The following CNTN5 variants were observed in gnomAD, a reference collection of about 807,000 sequenced individuals.
CNTN5 encodes contactin 5.
Under a neutral mutation model 129.1 loss-of-function variants are expected in CNTN5, and 77 were observed. The ratio of observed to expected loss-of-function variants is 0.60; its 90% CI spans 0.50 to 0.72. The LOEUF (loss-of-function observed/expected upper bound fraction) is 0.72, where lower values mean the gene tolerates loss of function less well. Among genes scored for constraint, CNTN5 ranks in the 30% least tolerant of loss-of-function variants. CNTN5 has a pLI of 0.00. For synonymous variants in CNTN5, 509 were observed against 465.6 expected (o/e 1.09, Z -1.20); for missense variants, 1,478 against 1,328.8 (o/e 1.11, Z -1.75).
chr11:99,802,541 A>G (rs1218986), intron 3 of CNTN5, among the ~76,000 whole-genome samples: 88,061 of 151,984 alleles, frequency 0.58, 26,294 homozygotes, highest in East Asian at 0.72. Flanking sequence ...TCCATGTTCT[A>G]TGTACAAGGT....
At chr11:99,338,507 T>C (rs1370441852) in intron 2 of CNTN5, among the ~76,000 whole-genome samples, 2 of 152,126 alleles carry the variant, frequency 1.3e-5, no homozygotes, top group Admixed American at 6.5e-5. Context: ...TGGGGATAAC[T>C]TTTTTTGTTG....
At chr11:99,699,985 A>G (rs1311437413) in intron 3 of CNTN5, among the ~76,000 whole-genome samples, 1 of 151,456 alleles carries the variant, frequency 6.6e-6, no homozygotes, top group Admixed American at 6.6e-5. Context: ...ATGAATGAAT[A>G]TATGAATACA....
intron 3 of CNTN5, among the ~76,000 whole-genome samples, chr11:99,756,851 A>C (rs1565495486): frequency 6.6e-6 from 1 of 152,024 alleles, no homozygotes; most frequent in Admixed American, 6.6e-5. Context: ...TATAAAAAGA[A>C]ATAACTTTTA....
intron 1 of CNTN5, among the ~76,000 whole-genome samples, chr11:99,052,930 C>A (rs1033100317): frequency 6.6e-6 from 1 of 151,770 alleles, no homozygotes; most frequent in Non-Finnish European, 1.5e-5. Flanking sequence ...ACAATTGCAG[C>A]AACTACAAAT....
intron 15 of CNTN5, among the ~76,000 whole-genome samples, chr11:100,217,021 C>T (rs1949150456): frequency 6.6e-6 from 1 of 152,168 alleles, no homozygotes; most frequent in South Asian, 2.1e-4. Flanking sequence ...ATTTTCTCAA[C>T]TGCTATGGGA....
intron 13 of CNTN5, among the ~76,000 whole-genome samples, chr11:100,166,782 G>C (rs1427743425): frequency 6.6e-6 from 1 of 151,626 alleles, no homozygotes; most frequent in Non-Finnish European, 1.5e-5. Flanking sequence ...TGTCTTACCT[G>C]GTGGATTCTC....
At chr11:99,894,577 AAAAC>A (rs1010520611) in intron 6 of CNTN5, among the ~76,000 whole-genome samples, 21 of 151,690 alleles carry the variant, frequency 1.4e-4, no homozygotes, top group South Asian at 6.2e-4. Flanking sequence ...AAAACCAAGC[AAAAC>A]AAACAAACAA....
At chr11:99,963,545 G>A (rs1366820326) in intron 8 of CNTN5, among the ~76,000 whole-genome samples, 1 of 152,158 alleles carries the variant, frequency 6.6e-6, no homozygotes, top group Non-Finnish European at 1.5e-5. Flanking sequence ...GTACCATGCT[G>A]TTTTGGTTAC....
intron 1 of CNTN5, among the ~76,000 whole-genome samples, chr11:99,057,523 A>G (rs1864670465): frequency 6.6e-6 from 1 of 152,088 alleles, no homozygotes; most frequent in Non-Finnish European, 1.5e-5. Context: ...ACCTATCCAG[A>G]GGATGGATCG....
intron 3 of CNTN5, among the ~76,000 whole-genome samples, chr11:99,631,990 A>G (rs1431495530): frequency 6.6e-6 from 1 of 152,192 alleles, no homozygotes; most frequent in Non-Finnish European, 1.5e-5. Flanking sequence ...TACCTAACTT[A>G]TAAATTAAAC....
chr11:99,710,249 C>T (rs1331087084), intron 3 of CNTN5, among the ~76,000 whole-genome samples: 2 of 151,674 alleles, frequency 1.3e-5, no homozygotes, highest in African/African-American at 2.4e-5. Context: ...CTTTACCCTG[C>T]GTCAAGAATC....
intron 7 of CNTN5, among the ~76,000 whole-genome samples, chr11:99,944,967 G>C (rs185229503): frequency 6.6e-6 from 1 of 152,094 alleles, no homozygotes. Context: ...GAAGGTGGGA[G>C]TGCATTCTAG....
At chr11:100,061,454 T>G (rs1943479781) in intron 10 of CNTN5, 61 bp downstream of exon 10, 2 of 1,187,640 alleles carry the variant, frequency 1.7e-6, no homozygotes, top group Non-Finnish European at 2.3e-6. Flanking sequence ...AAAGTGGAAA[T>G]TAACTTTAAC....
At chr11:99,891,524 T>A (rs12222968) in intron 6 of CNTN5, among the ~76,000 whole-genome samples, 10,801 of 151,836 alleles carry the variant, frequency 0.071, 696 homozygotes, top group East Asian at 0.28. Context: ...TGTTCCCCTC[T>A]CTGTGTCCAT....
chr11:99,360,324 C>G (rs919198067), intron 2 of CNTN5, among the ~76,000 whole-genome samples: 4 of 152,112 alleles, frequency 2.6e-5, no homozygotes, highest in Admixed American at 6.6e-5. Context: ...GTTCTGGGGT[C>G]TCAGGAGCAG....
chr11:99,438,542 ATCTC>A (rs144107815), intron 2 of CNTN5, among the ~76,000 whole-genome samples: 3 of 151,320 alleles, frequency 2.0e-5, no homozygotes, highest in East Asian at 1.9e-4. Flanking sequence ...ATCTCTTCAT[ATCTC>A]TCTCTCTCTC....
At chr11:99,518,998 G>A (rs576449076) in intron 2 of CNTN5, among the ~76,000 whole-genome samples, 2 of 152,014 alleles carry the variant, frequency 1.3e-5, no homozygotes, top group African/African-American at 2.4e-5. Context: ...TCAAACCTAA[G>A]CATGTTTCTA....
At chr11:99,326,848 C>G (rs776523712) in intron 2 of CNTN5, among the ~76,000 whole-genome samples, 1 of 152,144 alleles carries the variant, frequency 6.6e-6, no homozygotes, top group Non-Finnish European at 1.5e-5. Context: ...TTGCTATATT[C>G]TAACATTAGA....
chr11:99,850,450 G>A (rs1159025904), intron 6 of CNTN5, among the ~76,000 whole-genome samples: 2 of 151,964 alleles, frequency 1.3e-5, no homozygotes, highest in African/African-American at 4.8e-5. Flanking sequence ...ATTATATATA[G>A]CATTTGGAAA....
Sources: gnomAD v4.1 joint callset for allele counts (sites outside exome capture counted in the v4.1 genomes callset) on GRCh38, gnomAD v4.1.1 for gene constraint, MANE v1.5 for transcripts, NCBI Gene and HGNC (gene_info 2026-07-23, HGNC 2026-07-21) for gene names.